The following NRG3 variants were observed in gnomAD, a reference collection of about 807,000 sequenced individuals.
NRG3 encodes the protein pro-neuregulin-3, membrane-bound isoform.
NRG3 carries 31 observed loss-of-function variants against 66.9 expected under a neutral mutation model. The ratio of observed to expected loss-of-function variants is 0.46; its 90% CI spans 0.35 to 0.63. NRG3 has a LOEUF of 0.63. NRG3 is among the 20% of genes least tolerant of loss of function. NRG3 has a pLI of 0.00. For synonymous variants in NRG3, 393 were observed against 359.4 expected (o/e 1.09, Z -1.06); for missense variants, 910 against 878.9 (o/e 1.04, Z -0.45).
chr10:82,250,638 C>T (rs1000648191), intron 1 of NRG3, among the ~76,000 whole-genome samples: 1 of 152,164 alleles, frequency 6.6e-6, no homozygotes, highest in Non-Finnish European at 1.5e-5. Flanking sequence ...TTGGTCTTGA[C>T]CCCTGCTTCC....
At position 82,798,052 on chromosome 10, in the gene NRG3, C is replaced by T. The variant is rs370194891; in HGVS notation, c.1027+59402C>T. On this transcript the variant is annotated intron_variant, in intron 3 of 8. Transcript: ENST00000372141. ...CTAGAAGTGTATTGCTATTTATTGC[C>T]TTTTCAATACTCTTTTGTATACCTG... is the stretch of plus-strand genomic sequence containing the variant. Among the ~76,000 whole-genome samples, 43 of 152,080 alleles carry T rather than the reference C, an allele frequency of 2.8e-4. 1 individual carries two copies. In the East Asian group the frequency reaches 5.0e-3, roughly 18 times the overall value.
chr10:82,915,475 T>A (rs1232501135), intron 4 of NRG3, among the ~76,000 whole-genome samples: 3 of 152,186 alleles, frequency 2.0e-5, no homozygotes, highest in Non-Finnish European at 4.4e-5. Flanking sequence ...ATACAGTAAA[T>A]TTTTTAAAAA....
At chr10:82,445,843 A>G (rs2090692866) in intron 2 of NRG3, among the ~76,000 whole-genome samples, 1 of 152,160 alleles carries the variant, frequency 6.6e-6, no homozygotes, top group Non-Finnish European at 1.5e-5. Flanking sequence ...ATTTCATTAC[A>G]CTGGGTAAAG....
intron 1 of NRG3, among the ~76,000 whole-genome samples, chr10:82,349,599 C>G (rs557417025): frequency 8.5e-5 from 13 of 152,082 alleles, no homozygotes; most frequent in Admixed American, 5.2e-4. Flanking sequence ...CCACCCAGTT[C>G]GAGCTTCCCG....
At chr10:82,097,294 G>A (rs558305240) in intron 1 of NRG3, among the ~76,000 whole-genome samples, 112 of 150,036 alleles carry the variant, frequency 7.5e-4, no homozygotes, top group African/African-American at 2.6e-3. Flanking sequence ...ATATTCAATT[G>A]TATCTTTGTT....
chr10:82,908,128 G>A (rs1844934790), intron 4 of NRG3, among the ~76,000 whole-genome samples: 2 of 152,218 alleles, frequency 1.3e-5, no homozygotes, highest in African/African-American at 4.8e-5. Context: ...ACTTTCAGAT[G>A]TCTGTGTATT....
intron 3 of NRG3, among the ~76,000 whole-genome samples, chr10:82,757,487 G>A (rs991927062): frequency 6.6e-6 from 1 of 152,038 alleles, no homozygotes; most frequent in Non-Finnish European, 1.5e-5. Flanking sequence ...AAAATTCTTC[G>A]GGGAAGGAGC....
chr10:82,321,274 C>A (rs1007592647), intron 1 of NRG3, among the ~76,000 whole-genome samples: 1 of 149,382 alleles, frequency 6.7e-6, no homozygotes, highest in Non-Finnish European at 1.5e-5. Context: ...GTAAGCCACA[C>A]CCCTGTCACA....
At chr10:82,017,202 G>A (rs143739444) in intron 1 of NRG3, among the ~76,000 whole-genome samples, 2,937 of 152,188 alleles carry the variant, frequency 0.019, 89 homozygotes, top group African/African-American at 0.068. Context: ...TTTTGTCCTT[G>A]GGATAGTTTG....
At chr10:82,715,076 C>A (rs1453233220) in intron 2 of NRG3, among the ~76,000 whole-genome samples, 1 of 151,976 alleles carries the variant, frequency 6.6e-6, no homozygotes, top group Non-Finnish European at 1.5e-5. Context: ...TTTTTTTAGT[C>A]AATCTCAAGA....
chr10:81,888,854 G>C (rs1842809724), intron 1 of NRG3, among the ~76,000 whole-genome samples: 1 of 152,150 alleles, frequency 6.6e-6, no homozygotes, highest in Non-Finnish European at 1.5e-5. Context: ...GAGGTTTCCA[G>C]GATGACTTGG....
chr10:82,450,278 T>G (rs529902443), intron 2 of NRG3, among the ~76,000 whole-genome samples: 1 of 152,214 alleles, frequency 6.6e-6, no homozygotes, highest in African/African-American at 2.4e-5. Context: ...CCTGAGTTAT[T>G]GTGGGTGCCT....
chr10:82,810,930 T>C (rs1015173403), intron 3 of NRG3, among the ~76,000 whole-genome samples: 2 of 152,182 alleles, frequency 1.3e-5, no homozygotes, highest in Admixed American at 1.3e-4. Flanking sequence ...TAAATTCTTA[T>C]GAATTTTCAG....
intron 1 of NRG3, among the ~76,000 whole-genome samples, chr10:82,262,797 C>T (rs553057167): frequency 1.7e-4 from 26 of 152,222 alleles, no homozygotes; most frequent in African/African-American, 5.8e-4. Flanking sequence ...TTTACGAACA[C>T]GATGAGGAGG....
At chr10:82,063,310 C>T (rs1242660652) in intron 1 of NRG3, among the ~76,000 whole-genome samples, 6 of 80,672 alleles carry the variant, frequency 7.4e-5, no homozygotes, top group East Asian at 7.3e-4. Context: ...TATACCAAGA[C>T]GCAAATGTGA....
chr10:82,359,144 A>G (rs956224228), intron 2 of NRG3, among the ~76,000 whole-genome samples: 10 of 152,234 alleles, frequency 6.6e-5, no homozygotes, highest in Non-Finnish European at 1.3e-4. Context: ...GGAAATAATT[A>G]TTTACACACT....
At chr10:81,949,078 G>T (rs1291581064) in intron 1 of NRG3, among the ~76,000 whole-genome samples, 2 of 152,074 alleles carry the variant, frequency 1.3e-5, no homozygotes, top group Non-Finnish European at 2.9e-5. Context: ...GTTCAGTCAA[G>T]CCCTGGGGTA....
chr10:82,974,209 T>C (rs963518932), intron 7 of NRG3, among the ~76,000 whole-genome samples: 5 of 152,122 alleles, frequency 3.3e-5, no homozygotes, highest in African/African-American at 7.2e-5. Flanking sequence ...TTAAAAAATA[T>C]GTTATCTAGC....
At chr10:82,708,655 A>T (rs1230889348) in intron 2 of NRG3, among the ~76,000 whole-genome samples, 1 of 152,050 alleles carries the variant, frequency 6.6e-6, no homozygotes, top group African/African-American at 2.4e-5. Flanking sequence ...TATACTTTTT[A>T]TTTCTATGAT....
Sources: gnomAD v4.1 joint callset for allele counts (sites outside exome capture counted in the v4.1 genomes callset) on GRCh38, gnomAD v4.1.1 for gene constraint, MANE v1.5 for transcripts, NCBI Gene and HGNC (gene_info 2026-07-23, HGNC 2026-07-21) for gene names.